Variants in FAAH2 observed in about 807,000 individuals in gnomAD.
The protein encoded by FAAH2 is fatty-acid amide hydrolase 2.
A neutral mutation model predicts 36.9 loss-of-function variants in FAAH2; 60 were observed. The ratio of observed to expected loss-of-function variants is 1.63; its 90% CI spans 1.32 to 2.02. FAAH2 has a LOEUF of 2.02. FAAH2 is among the 30% of genes most tolerant of loss of function. The pLI, the probability that FAAH2 is intolerant of heterozygous loss-of-function variation, is 0.00. For missense variants in FAAH2, 689 were observed against 397.5 expected (o/e 1.73, Z -6.23); for synonymous variants, 214 against 143.8 (o/e 1.49, Z -3.49).
chrX:57,483,063 T>C (rs189976566), intron 10 of FAAH2, among the ~76,000 whole-genome samples: 1 of 111,563 alleles, frequency 9.0e-6, no homozygotes, highest in East Asian at 2.8e-4. Flanking sequence ...TCTAGCAAGA[T>C]TAGCAAAATG....
chrX:57,476,200 C>T (rs1251687239), intron 10 of FAAH2, among the ~76,000 whole-genome samples: 1 of 111,041 alleles, frequency 9.0e-6, no homozygotes, highest in Admixed American at 9.7e-5. Flanking sequence ...ATTTTTCTTG[C>T]CTGATTTCCC....
Position 57,422,126 on chromosome X carries a change from G to A in FAAH2, c.997-9792G>A, listed in dbSNP as rs770292064. ...TCAATAGCTCTCTACCAGATACCAG[G>A]GGATGTGTTAATTTGCTCTAGCAGT... On this transcript the variant is annotated intron_variant, in intron 7 of 10. Transcript: ENST00000374900. Among the ~76,000 whole-genome samples, 74 of 111,668 alleles carry A rather than the reference G, an allele frequency of 6.6e-4. 1 individual carries two copies. The highest frequency in any genetic ancestry group is 3.8e-3 in the Admixed American group (40 of 10,519).
chrX:57,333,311 A>G (rs2053456531), intron 4 of FAAH2, among the ~76,000 whole-genome samples: 1 of 111,727 alleles, frequency 9.0e-6, no homozygotes, highest in South Asian at 3.7e-4. Context: ...ACCTCACATT[A>G]AAGGCCAAAT....
chrX:57,278,839 G>A, the FAAH2 span, among the ~76,000 whole-genome samples: 1 of 111,924 alleles, frequency 8.9e-6, no homozygotes, highest in Non-Finnish European at 1.9e-5. Context: ...ATGCAGCTAA[G>A]AGGCATATGA....
chrX:57,317,078 G>T (rs762367154), intron 3 of FAAH2, among the ~76,000 whole-genome samples: 1 of 111,770 alleles, frequency 8.9e-6, no homozygotes, highest in South Asian at 3.7e-4. Flanking sequence ...GTGAGCAAGA[G>T]ACATGATCAG....
intron 7 of FAAH2, among the ~76,000 whole-genome samples, chrX:57,387,276 A>T (rs2055048739): frequency 9.0e-6 from 1 of 111,700 alleles, no homozygotes; most frequent in African/African-American, 3.2e-5. Flanking sequence ...AGGATAAATT[A>T]GAAATAAGAG....
chrX:57,300,768 AAAAC>A (rs1297701626), intron 2 of FAAH2, among the ~76,000 whole-genome samples: 13 of 112,182 alleles, frequency 1.2e-4, no homozygotes, highest in African/African-American at 3.6e-4. Context: ...TTACAAGAAA[AAAAC>A]AAACAACCCC....
chrX:57,387,123 T>C (rs898930939), intron 7 of FAAH2, among the ~76,000 whole-genome samples: 3 of 111,757 alleles, frequency 2.7e-5, no homozygotes, highest in Non-Finnish European at 5.7e-5. Flanking sequence ...AAAATTCAGA[T>C]GTCTGTTTCT....
intron 4 of FAAH2, among the ~76,000 whole-genome samples, chrX:57,336,417 C>G (rs1017422403): frequency 9.0e-6 from 1 of 111,672 alleles, no homozygotes; most frequent in Non-Finnish European, 1.9e-5. Flanking sequence ...TCACAGAAAG[C>G]CTGTTTGGTG....
At chrX:57,182,463 A>G in the FAAH2 span, among the ~76,000 whole-genome samples, 3 of 111,822 alleles carry the variant, frequency 2.7e-5, no homozygotes, top group African/African-American at 9.7e-5. Context: ...AGAAAAGCTC[A>G]ATATCACTGA....
the FAAH2 span, among the ~76,000 whole-genome samples, chrX:57,177,777 C>G: frequency 9.2e-6 from 1 of 108,113 alleles, no homozygotes; most frequent in Non-Finnish European, 1.9e-5. Context: ...TCATGAGTGC[C>G]TGGGCTGTCT....
chrX:57,413,134 G>C (rs773461678), intron 7 of FAAH2, among the ~76,000 whole-genome samples: 1 of 111,983 alleles, frequency 8.9e-6, no homozygotes, highest in South Asian at 3.7e-4. Flanking sequence ...CCCTTTGTCA[G>C]ATGGAGAGAT....
At chrX:57,363,378 A>T (rs942543421) in intron 5 of FAAH2, among the ~76,000 whole-genome samples, 1 of 111,543 alleles carries the variant, frequency 9.0e-6, no homozygotes, top group Admixed American at 9.5e-5. Flanking sequence ...CATGAACATT[A>T]TTGGTGTATA....
At chrX:57,187,615 A>G in the FAAH2 span, among the ~76,000 whole-genome samples, 49,630 of 109,994 alleles carry the variant, frequency 0.45, 11,320 homozygotes, top group African/African-American at 0.88. Context: ...GAATATGAGC[A>G]GTGAGAGAGG....
chrX:57,340,897 C>T (rs188783490), intron 4 of FAAH2, among the ~76,000 whole-genome samples: 6 of 109,933 alleles, frequency 5.5e-5, no homozygotes, highest in African/African-American at 1.0e-4. Flanking sequence ...CACCATGGCA[C>T]GCATATACCT....
At chrX:57,319,812 C>A (rs1388645908) in intron 3 of FAAH2, among the ~76,000 whole-genome samples, 1 of 111,539 alleles carries the variant, frequency 9.0e-6, no homozygotes, top group Non-Finnish European at 1.9e-5. Flanking sequence ...AGTAGTGGAA[C>A]CAAAACAGAG....
intron 10 of FAAH2, among the ~76,000 whole-genome samples, chrX:57,451,193 G>T (rs2056777343): frequency 9.0e-6 from 1 of 111,420 alleles, no homozygotes; most frequent in African/African-American, 3.3e-5. Context: ...GGAAACAGGA[G>T]GCTGAACAGG....
At chrX:57,305,259 A>G (rs12008692) in intron 2 of FAAH2, among the ~76,000 whole-genome samples, 1 of 111,182 alleles carries the variant, frequency 9.0e-6, no homozygotes, top group East Asian at 2.8e-4. Context: ...AGGAAGTCAC[A>G]TGGGCACCAA....
rs188485788 is a variant in FAAH2 at position 57,324,846 on chromosome X, A to G, written c.413-6752A>G. Among the ~76,000 whole-genome samples, 201 of 111,681 alleles carry G rather than the reference A, an allele frequency of 1.8e-3. 1 individual carries two copies. The highest frequency in any genetic ancestry group is 6.2e-3 in the African/African-American group (191 of 30,753). ...TACCCTTTATTTCCTTCTCCTGCCT[A>G]ATTGCCCTGGCCATAACTTCCAACA... On this transcript the variant is annotated intron_variant, in intron 3 of 10. Coordinates refer to ENST00000374900, the MANE Select transcript of FAAH2 (RefSeq NM_174912.4).
Sources: gnomAD v4.1 joint callset for allele counts (sites outside exome capture counted in the v4.1 genomes callset) on GRCh38, gnomAD v4.1.1 for gene constraint, MANE v1.5 for transcripts, NCBI Gene and HGNC (gene_info 2026-07-23, HGNC 2026-07-21) for gene names.